KYAT1: variants seen among roughly 807,000 people sequenced by gnomAD.
KYAT1 encodes the protein kynurenine aminotransferase 1.
Under a neutral mutation model 52.4 loss-of-function variants are expected in KYAT1, and 47 were observed. The ratio of observed to expected loss-of-function variants is 0.90; its 90% confidence interval spans 0.71 to 1.14. KYAT1 has a LOEUF of 1.14. KYAT1 is among the 50% of genes most tolerant of loss of function. KYAT1 has a pLI of 0.00. For missense variants in KYAT1, 480 were observed against 557.9 expected (o/e 0.86, Z 1.41); for synonymous variants, 212 against 209.6 (o/e 1.01, Z -0.10).
At position 128,838,350 on chromosome 9, in the gene KYAT1, C is replaced by T. The variant is rs748064840; in HGVS notation, c.219G>A (p.Thr73=). The change falls in exon 4 of 13, where the codon ACG becomes ACA. Residue 73 remains threonine (T), a synonymous_variant. Transcript: ENST00000302586. ...YTKTFGYPPL[T]KILASFFGEL... ...CCCCAAAGAAACTTGCCAGGATCTTCGTCAGTGGTGGGTAACCCTGCCAGG... is the reference window on the plus strand; with the variant it reads ...CCCCAAAGAAACTTGCCAGGATCTTTGTCAGTGGTGGGTAACCCTGCCAGG... 4.3e-6 allele frequency: 7 copies of T among 1,614,170 alleles called. No homozygotes were observed. The highest frequency in any genetic ancestry group is 2.7e-5 in the African/African-American group (2 of 75,050).
intron 1 of KYAT1, among the ~76,000 whole-genome samples, chr9:128,850,264 G>A (rs991452563): frequency 6.6e-5 from 10 of 152,014 alleles, no homozygotes; most frequent in Non-Finnish European, 5.9e-5. Context: ...AGATCAGACT[G>A]TTACTGTGTC....
At chr9:128,836,550 C>A (rs560793901) in intron 7 of KYAT1, among the ~76,000 whole-genome samples, 151 of 152,276 alleles carry the variant, frequency 9.9e-4, no homozygotes, top group African/African-American at 3.2e-3. Context: ...CTGCCAGCCT[C>A]AGCCTCCCAA....
At chr9:128,865,332 TA>T (rs1564491518) in intron 1 of KYAT1, among the ~76,000 whole-genome samples, 100 of 2,360 alleles carry the variant, frequency 0.042, 13 homozygotes, top group East Asian at 0.1. Flanking sequence ...TATATATATA[TA>T]TATATATATA....
chr9:128,846,103 G>T (rs1254653811), intron 1 of KYAT1, among the ~76,000 whole-genome samples: 1 of 152,190 alleles, frequency 6.6e-6, no homozygotes, highest in Non-Finnish European at 1.5e-5. Context: ...GTTCCTCCCA[G>T]GCCAGCTCCC....
chr9:128,872,416 C>A (rs1332457226), intron 1 of KYAT1, among the ~76,000 whole-genome samples: 2 of 151,492 alleles, frequency 1.3e-5, no homozygotes. Flanking sequence ...TGCACTCCAG[C>A]CTGGGTGACA....
intron 1 of KYAT1, chr9:128,860,109 AAGG>A (rs1835252922): frequency 6.6e-6 from 1 of 152,188 alleles, no homozygotes; most frequent in African/African-American, 2.4e-5. Flanking sequence ...AGGGCAGGAG[AAGG>A]AGAATCTTCC....
rs59837417 is a variant in KYAT1 at position 128,867,828 on chromosome 9, A to G, written c.-7+14069T>C. ...CGCTCTGTCGCCCAGGCTGGAGTGC[A>G]GTGGCGCGATCTTGGCTCACTGCAA... On this transcript the variant is annotated intron_variant, in intron 1 of 12. Transcript: ENST00000302586. Among the ~76,000 whole-genome samples, 1,259 of 152,368 alleles carry G rather than the reference A, an allele frequency of 8.3e-3. 6 individuals carry two copies. Among genetic ancestry groups the G allele is most frequent in the African/African-American group, 0.029 (1,201 of 41,590 alleles).
intron 1 of KYAT1, among the ~76,000 whole-genome samples, chr9:128,845,782 G>A (rs1832996261): frequency 6.6e-6 from 1 of 152,232 alleles, no homozygotes; most frequent in Admixed American, 6.5e-5. Context: ...CAGGAGGTGG[G>A]TGGAGCGGAG....
rs2118919928 is a variant in KYAT1, at chr9:128,835,644, T to C, written c.879A>G (p.Glu293=). 1.2e-6 allele frequency: 2 copies of C among 1,610,780 alleles called. No homozygotes were observed. The highest frequency in any genetic ancestry group is 1.7e-6 in the Non-Finnish European group (2 of 1,179,882). ...GTTGGCGGAAGAGCAGCTGCTCCCG[T>C]TCAAAGCTCTCGGCTACTGCAGCCT... The part of the protein sequence containing the change: ...QSQAAVAESF[E]REQLLFRQPS... The change falls in exon 10 of 13, where the codon GAA becomes GAG. Residue 293 remains glutamate, a synonymous_variant. Transcript: ENST00000302586.
At chr9:128,833,932 G>T in intron 11 of KYAT1, 106 bp from the exon 12 acceptor site, 2 of 823,528 alleles carry the variant, frequency 2.4e-6, no homozygotes, top group South Asian at 1.6e-5. Context: ...AGGAGAGTTA[G>T]CTCCAATCCA....
At chr9:128,842,535 T>G in intron 3 of KYAT1, 119 bp downstream of exon 3, 1 of 1,016,926 alleles carries the variant, frequency 9.8e-7, no homozygotes, top group Non-Finnish European at 1.4e-6. Flanking sequence ...CACTGAACTA[T>G]GGTCATACAG....
chr9:128,837,473 C>T (rs1298277539), intron 6 of KYAT1, among the ~76,000 whole-genome samples: 1 of 152,174 alleles, frequency 6.6e-6, no homozygotes, highest in African/African-American at 2.4e-5. Context: ...GATGGTGGCT[C>T]CCAGCCCAGT....
chr9:128,856,822 A>G (rs557412938), intron 1 of KYAT1, among the ~76,000 whole-genome samples: 52 of 152,376 alleles, frequency 3.4e-4, no homozygotes, highest in South Asian at 1.0e-3. Flanking sequence ...CCATGTGATA[A>G]TCTGAAATAT....
rs763247481 is a variant in KYAT1 at position 128,881,926 on chromosome 9, C to T, written c.-36G>A. ...ACCTGGGCCGCTTCACCCCTCGTTC[C>T]CAAGTACACCCCGTAGGTTGCAGCA... On this transcript the variant is annotated 5_prime_UTR_variant, in exon 1 of 13. Transcript: ENST00000302586. 3 of 152,346 alleles carry T rather than the reference C, an allele frequency of 2.0e-5. No individual in the cohort carries two copies. Among genetic ancestry groups the T allele is most frequent in the African/African-American group, 2.4e-5 (1 of 41,462 alleles). 9.4% of individuals were successfully genotyped at this position (152,346 alleles called of 1,614,324 possible).
chr9:128,841,465 G>A (rs953905576), intron 3 of KYAT1, among the ~76,000 whole-genome samples: 1 of 151,760 alleles, frequency 6.6e-6, no homozygotes, highest in Non-Finnish European at 1.5e-5. Flanking sequence ...AGGTTGCAGT[G>A]AGCCGAGATC....
At chr9:128,873,547 AGATCATTT>A (rs1343648435) in intron 1 of KYAT1, among the ~76,000 whole-genome samples, 3 of 152,050 alleles carry the variant, frequency 2.0e-5, no homozygotes, top group Non-Finnish European at 2.9e-5. Flanking sequence ...GTAGGCAGGC[AGATCATTT>A]GAGGTCAGGA....
chr9:128,877,570 C>T (rs1243675316), intron 1 of KYAT1, among the ~76,000 whole-genome samples: 4 of 152,166 alleles, frequency 2.6e-5, no homozygotes, highest in African/African-American at 9.7e-5. Context: ...CAGGCGGGTG[C>T]TAGGGCTGAC....
intron 1 of KYAT1, among the ~76,000 whole-genome samples, chr9:128,880,576 G>A (rs1333297145): frequency 6.6e-6 from 1 of 151,926 alleles, no homozygotes; most frequent in African/African-American, 2.4e-5. Context: ...CGAGTAGCTG[G>A]GACCACAGGC....
At chr9:128,847,154 T>C (rs1234600381) in intron 1 of KYAT1, among the ~76,000 whole-genome samples, 1 of 152,142 alleles carries the variant, frequency 6.6e-6, no homozygotes, top group Admixed American at 6.5e-5. Context: ...CCTGGCTCAG[T>C]TGACATTTAT....
Sources: gnomAD v4.1 joint callset for allele counts (sites outside exome capture counted in the v4.1 genomes callset) on GRCh38, gnomAD v4.1.1 for gene constraint, MANE v1.5 for transcripts, NCBI Gene and HGNC (gene_info 2026-07-23, HGNC 2026-07-21) for gene names.